Variants in NRG4 observed in about 807,000 individuals in gnomAD.
The protein encoded by NRG4 is pro-neuregulin-4, membrane-bound isoform.
Under a neutral mutation model 15.0 loss-of-function variants are expected in NRG4, and 10 were observed. The ratio of observed to expected loss-of-function variants is 0.67; its 90% confidence interval spans 0.41 to 1.13. NRG4 has a LOEUF of 1.13. Ranked by LOEUF, NRG4 falls within the 50% of genes most tolerant of loss-of-function variation. NRG4 has a pLI of 0.00. For synonymous variants in NRG4, 41 were observed against 50.1 expected (o/e 0.82, Z 0.77); for missense variants, 139 against 140.2 (o/e 0.99, Z 0.04).
intron 3 of NRG4, among the ~76,000 whole-genome samples, chr15:75,975,570 C>T (rs2033326777): frequency 6.6e-6 from 1 of 152,166 alleles, no homozygotes; most frequent in South Asian, 2.1e-4. Flanking sequence ...TCAGCATTTG[C>T]TTGTCTGTAA....
Position 76,054,202 on chromosome 15 carries a change from C to T in NRG4, c.-261-1219G>A, listed in dbSNP as rs1382861205. 1.3e-5 allele frequency among the ~76,000 whole-genome samples: 2 copies of T among 150,530 alleles called. 1 individual carries two copies. The highest frequency in any genetic ancestry group is 2.9e-5 in the Non-Finnish European group (2 of 67,804). ...TCCCAGGCTCAAACCATCCTCCCACCTCAGCCTCCCGAGCAACTGGGACCA... is the reference window on the plus strand; with the variant it reads ...TCCCAGGCTCAAACCATCCTCCCACTTCAGCCTCCCGAGCAACTGGGACCA... On this transcript the variant is annotated intron_variant, in intron 2 of 8. Coordinates refer to the NRG4 transcript ENST00000563910.
intron 4 of NRG4, among the ~76,000 whole-genome samples, chr15:76,043,187 T>A (rs2035787190): frequency 6.6e-6 from 1 of 152,160 alleles, no homozygotes; most frequent in South Asian, 2.1e-4. Context: ...GACCCATAAC[T>A]AGTATCATAC....
In NRG4 at chr15:75,941,662, AATACT is replaced by A. The variant is rs1205192099; in HGVS notation, c.*1971_*1975del. ...GACATTAAGTAAATCACAAAAGGAC[AATACT>A]ATATGAATCCACTGATGTGAGGTAC... On this transcript the variant is annotated 3_prime_UTR_variant, in exon 6 of 6. Coordinates refer to ENST00000394907, the MANE Select transcript of NRG4 (RefSeq NM_138573.4). 2.6e-5 allele frequency: 4 copies of A among 152,200 alleles called. No homozygotes were observed. The highest frequency in any genetic ancestry group is 5.9e-5 in the Non-Finnish European group (4 of 68,020). The allele number at this position is 152,200 out of a possible 1,614,324, so 9.4% of individuals were successfully genotyped here.
chr15:76,050,442 T>G (rs2035970339), intron 4 of NRG4, among the ~76,000 whole-genome samples: 1 of 135,582 alleles, frequency 7.4e-6, no homozygotes, highest in South Asian at 2.4e-4. Flanking sequence ...CCTTCGTTTT[T>G]TTTTTTTTTT....
At chr15:75,973,816 G>C (rs1050193185) in intron 3 of NRG4, among the ~76,000 whole-genome samples, 2 of 152,162 alleles carry the variant, frequency 1.3e-5, no homozygotes, top group Non-Finnish European at 1.5e-5. Flanking sequence ...AGGGATACTG[G>C]CCTGAAATTT....
intron 3 of NRG4, among the ~76,000 whole-genome samples, chr15:75,975,243 T>C (rs2033312712): frequency 6.6e-6 from 1 of 152,214 alleles, no homozygotes; most frequent in African/African-American, 2.4e-5. Context: ...CCTATATGTG[T>C]CTTTGCATGT....
chr15:75,979,841 T>G (rs1403803016), intron 3 of NRG4, among the ~76,000 whole-genome samples: 1 of 152,178 alleles, frequency 6.6e-6, no homozygotes, highest in Non-Finnish European at 1.5e-5. Flanking sequence ...TCAATTTAAT[T>G]AATTCTTATT....
chr15:75,999,662 G>GT (rs1473167754), intron 3 of NRG4, among the ~76,000 whole-genome samples: 1 of 152,056 alleles, frequency 6.6e-6, no homozygotes, highest in African/African-American at 2.4e-5. Flanking sequence ...CTCAAGTATT[G>GT]TTACAGCAGC....
chr15:76,044,816 G>A (rs1383971789), intron 4 of NRG4, among the ~76,000 whole-genome samples: 4 of 147,556 alleles, frequency 2.7e-5, no homozygotes, highest in African/African-American at 1.0e-4. Flanking sequence ...ACTCCAACCT[G>A]GGCGACAGAG....
intron 4 of NRG4, among the ~76,000 whole-genome samples, chr15:76,049,798 G>A (rs2035954115): frequency 6.6e-6 from 1 of 150,528 alleles, no homozygotes; most frequent in Non-Finnish European, 1.5e-5. Context: ...CCACATTTCG[G>A]GGAACTATTC....
chr15:75,967,989 C>G (rs1388492521), intron 3 of NRG4, among the ~76,000 whole-genome samples: 1 of 152,132 alleles, frequency 6.6e-6, no homozygotes, highest in Non-Finnish European at 1.5e-5. Context: ...TTTACTAAAA[C>G]TAGCTAAGGC....
chr15:75,971,399 A>G (rs1459449636), intron 3 of NRG4, among the ~76,000 whole-genome samples: 1 of 152,198 alleles, frequency 6.6e-6, no homozygotes, highest in Non-Finnish European at 1.5e-5. Flanking sequence ...GCTCAAATCA[A>G]TTAAAATGTT....
rs189394799 is a variant in NRG4, at chr15:76,010,434, C to T, written c.10+787G>A. Among the ~76,000 whole-genome samples, 52 of 152,058 alleles carry T rather than the reference C, an allele frequency of 3.4e-4. No homozygotes were observed. The East Asian group carries it at 9.3e-3, about 27-fold the overall frequency. On this transcript the variant is annotated intron_variant, in intron 2 of 5. Transcript: ENST00000394907. Reference sequence around the variant, plus strand: ...TGTGCCACTAAGATATCAATACTTGCTAAGATATAATTGCTATGAGTCAGA... The same window carrying T: ...TGTGCCACTAAGATATCAATACTTGTTAAGATATAATTGCTATGAGTCAGA...
chr15:76,007,018 A>C (rs2034629885), intron 3 of NRG4, among the ~76,000 whole-genome samples: 1 of 152,234 alleles, frequency 6.6e-6, no homozygotes, highest in Non-Finnish European at 1.5e-5. Context: ...AAACACCTAT[A>C]GGTTACAGAA....
In NRG4 at chr15:76,045,879, G is replaced by C. The variant is rs762150223; in HGVS notation, c.-105+6188C>G. On this transcript the variant is annotated intron_variant, in intron 4 of 8. Transcript: ENST00000563910. ...AGACCTAGTATTTGCTAGCACAACA[G>C]GGTGACTACAGTAAAAAATAATGTA... Among the ~76,000 whole-genome samples, 24 of 151,008 alleles carry C rather than the reference G, an allele frequency of 1.6e-4. 1 individual carries two copies. The highest frequency in any genetic ancestry group is 2.7e-4 in the Non-Finnish European group (18 of 67,862).
intron 3 of NRG4, among the ~76,000 whole-genome samples, chr15:75,970,824 G>A (rs534284991): frequency 7.2e-5 from 11 of 152,304 alleles, no homozygotes; most frequent in Admixed American, 2.0e-4. Flanking sequence ...AAAGAATCTC[G>A]TAAGTTCCAG....
intron 5 of NRG4, among the ~76,000 whole-genome samples, chr15:76,028,497 A>T (rs1398558792): frequency 5.9e-5 from 9 of 152,136 alleles, no homozygotes; most frequent in African/African-American, 2.2e-4. Flanking sequence ...CAGTAATAAA[A>T]CAGTCTCCTG....
intron 3 of NRG4, among the ~76,000 whole-genome samples, chr15:75,995,197 C>CAA (rs781740800): frequency 2.9e-5 from 4 of 139,924 alleles, no homozygotes; most frequent in African/African-American, 1.0e-4. Context: ...GACCCTGTCT[C>CAA]AAAAAAAAAA....
At chr15:75,979,180 T>TA (rs898470387) in intron 3 of NRG4, among the ~76,000 whole-genome samples, 13 of 151,718 alleles carry the variant, frequency 8.6e-5, no homozygotes, top group African/African-American at 1.9e-4. Flanking sequence ...GAGGTCTTAC[T>TA]AAAAAAAAAT....
Sources: gnomAD v4.1 joint callset for allele counts (sites outside exome capture counted in the v4.1 genomes callset) on GRCh38, gnomAD v4.1.1 for gene constraint, MANE v1.5 for transcripts, NCBI Gene and HGNC (gene_info 2026-07-23, HGNC 2026-07-21) for gene names.